Variants in DPP6 observed in about 807,000 individuals in gnomAD.
The protein encoded by DPP6 is A-type potassium channel modulatory protein DPP6.
In DPP6, 69 loss-of-function variants were observed where a neutral mutation model predicts 122.6. That is an observed-to-expected ratio of 0.56 (90% confidence interval 0.46 to 0.69). The LOEUF (loss-of-function observed/expected upper bound fraction) is 0.69. Among genes scored for constraint, DPP6 ranks in the 30% least tolerant of loss-of-function variants. DPP6 has a pLI of 0.00. For missense variants in DPP6, 928 were observed against 1,116.9 expected (o/e 0.83, Z 2.41); for synonymous variants, 418 against 433.1 (o/e 0.97, Z 0.43).
intron 1 of DPP6, among the ~76,000 whole-genome samples, chr7:154,029,429 A>T (rs547833925): frequency 6.6e-6 from 1 of 152,144 alleles, no homozygotes; most frequent in African/African-American, 2.4e-5. Flanking sequence ...AAGCAGGAGC[A>T]TGGCGTGAAC....
At chr7:154,824,592 T>A (rs951210782) in intron 16 of DPP6, among the ~76,000 whole-genome samples, 14 of 152,204 alleles carry the variant, frequency 9.2e-5, no homozygotes, top group Non-Finnish European at 1.9e-4. Flanking sequence ...AATGTTATCT[T>A]AATGCTTAGT....
chr7:154,272,041 T>C (rs1803827314), intron 1 of DPP6, among the ~76,000 whole-genome samples: 1 of 152,172 alleles, frequency 6.6e-6, no homozygotes, highest in Admixed American at 6.5e-5. Flanking sequence ...CTCTCTACAT[T>C]TTGCATCCTG....
the DPP6 span, among the ~76,000 whole-genome samples, chr7:153,753,688 A>AT: frequency 1.3e-5 from 2 of 152,264 alleles, no homozygotes; most frequent in East Asian, 3.9e-4. Flanking sequence ...ACCTCAACGG[A>AT]TTCTTTGCAA....
At chr7:153,812,261 T>C in the DPP6 span, among the ~76,000 whole-genome samples, 1 of 152,060 alleles carries the variant, frequency 6.6e-6, no homozygotes, top group Admixed American at 6.6e-5. Flanking sequence ...TTGTCTACGC[T>C]CACCTTTTAA....
At chr7:154,751,328 G>A (rs1418375828) in intron 8 of DPP6, among the ~76,000 whole-genome samples, 33 of 152,020 alleles carry the variant, frequency 2.2e-4, no homozygotes, top group Admixed American at 1.8e-3. Context: ...TGGCCGGCAC[G>A]ATGGCTCATG....
At chr7:154,045,250 T>TA (rs1799964251) in intron 1 of DPP6, among the ~76,000 whole-genome samples, 1 of 152,186 alleles carries the variant, frequency 6.6e-6, no homozygotes, top group African/African-American at 2.4e-5. Flanking sequence ...TTCTTTTTTT[T>TA]ATTCTTGAAA....
At chr7:154,412,795 T>G (rs1816718037) in intron 1 of DPP6, among the ~76,000 whole-genome samples, 1 of 152,218 alleles carries the variant, frequency 6.6e-6, no homozygotes, top group African/African-American at 2.4e-5. Context: ...CCCTGGCCTC[T>G]GCCCTGCCCA....
At chr7:154,057,398 CG>C in intron 1 of DPP6, 4 of 237,918 alleles carry the variant, frequency 1.7e-5, no homozygotes, top group Non-Finnish European at 2.7e-5. Context: ...TGGCTTAGGA[CG>C]CCCATCGGGG....
At chr7:154,493,054 TATAACTA>T (rs1824423762) in intron 3 of DPP6, among the ~76,000 whole-genome samples, 1 of 152,172 alleles carries the variant, frequency 6.6e-6, no homozygotes, top group Non-Finnish European at 1.5e-5. Context: ...GTGCTTCTTA[TATAACTA>T]GGACTAATGA....
At chr7:154,021,581 G>A (rs1160145838) in intron 1 of DPP6, among the ~76,000 whole-genome samples, 1 of 152,088 alleles carries the variant, frequency 6.6e-6, no homozygotes, top group African/African-American at 2.4e-5. Context: ...CCCAAACGAG[G>A]GCCAGTTATC....
chr7:153,774,223 G>T, the DPP6 span, among the ~76,000 whole-genome samples: 12 of 152,150 alleles, frequency 7.9e-5, no homozygotes, highest in African/African-American at 2.7e-4. Flanking sequence ...TCCAAAGTCT[G>T]CTACAAGTCC....
intron 1 of DPP6, among the ~76,000 whole-genome samples, chr7:154,221,090 A>C (rs1175702069): frequency 6.6e-6 from 1 of 152,130 alleles, no homozygotes; most frequent in Non-Finnish European, 1.5e-5. Context: ...CTCGTTATTT[A>C]ATTACCCACT....
chr7:154,526,459 A>G (rs1827412881), intron 3 of DPP6, among the ~76,000 whole-genome samples: 1 of 152,036 alleles, frequency 6.6e-6, no homozygotes, highest in African/African-American at 2.4e-5. Flanking sequence ...GAAATATTCT[A>G]TACCCACAGC....
chr7:154,319,044 C>A (rs549132157), intron 1 of DPP6, among the ~76,000 whole-genome samples: 1 of 152,312 alleles, frequency 6.6e-6, no homozygotes, highest in East Asian at 1.9e-4. Context: ...CCAGGGCCAG[C>A]AGCAGGAGGT....
At chr7:154,518,512 T>G (rs1341906764) in intron 3 of DPP6, among the ~76,000 whole-genome samples, 1 of 152,176 alleles carries the variant, frequency 6.6e-6, no homozygotes, top group Admixed American at 6.5e-5. Context: ...CTGCTGTGAT[T>G]ATTAAAGCAG....
chr7:154,384,587 A>C (rs539374097), intron 1 of DPP6, among the ~76,000 whole-genome samples: 1 of 152,198 alleles, frequency 6.6e-6, no homozygotes, highest in Non-Finnish European at 1.5e-5. Context: ...CTGCCTCTCT[A>C]TACTAACAGT....
At chr7:154,886,115 G>A (rs779474688) in intron 22 of DPP6, among the ~76,000 whole-genome samples, 5 of 152,224 alleles carry the variant, frequency 3.3e-5, no homozygotes, top group African/African-American at 9.6e-5. Context: ...AGAAGAATCC[G>A]AGCAGGGCCC....
chr7:154,141,856 G>C (rs544068988), intron 1 of DPP6, among the ~76,000 whole-genome samples: 2 of 152,336 alleles, frequency 1.3e-5, no homozygotes, highest in African/African-American at 2.4e-5. Context: ...TGAGGAACCA[G>C]AGAAATTAGT....
At chr7:154,290,169 G>C (rs1465314896) in intron 1 of DPP6, among the ~76,000 whole-genome samples, 1 of 152,210 alleles carries the variant, frequency 6.6e-6, no homozygotes, top group African/African-American at 2.4e-5. Context: ...GTCTGGAAGA[G>C]AATTATTTAT....
Sources: allele counts gnomAD v4.1 joint callset (sites outside exome capture counted in the v4.1 genomes callset), GRCh38; gene constraint gnomAD v4.1.1; transcripts MANE v1.5; gene names NCBI Gene and HGNC (gene_info 2026-07-23, HGNC 2026-07-21).